The following INPP4A variants were observed in gnomAD, a reference collection of about 807,000 sequenced individuals.
INPP4A encodes inositol polyphosphate-4-phosphatase, type I, 107kD.
Under a neutral mutation model 119.8 loss-of-function variants are expected in INPP4A, and 33 were observed. The observed-to-expected ratio is 0.28, with a 90% CI of 0.21 to 0.37. The LOEUF (loss-of-function observed/expected upper bound fraction) is 0.37, where lower values mean the gene tolerates loss of function less well. Among genes scored for constraint, INPP4A ranks in the 10% least tolerant of loss-of-function variants. The probability of loss-of-function intolerance (pLI) is 1.00; values close to 1 mark genes in which losing one functional copy is unlikely to be tolerated. For synonymous variants in INPP4A, 496 were observed against 500.7 expected, an observed-to-expected ratio of 0.99 and a Z score of 0.12; for missense variants, 956 against 1,289.9, an observed-to-expected ratio of 0.74 and a Z score of 3.97.
At chr2:98,577,952 TATTTA>T (rs1420054201) in intron 24 of INPP4A, among the ~76,000 whole-genome samples, 1 of 152,234 alleles carries the variant, frequency 6.6e-6, no homozygotes, top group Non-Finnish European at 1.5e-5. Flanking sequence ...CTCACCAAAT[TATTTA>T]AAGTGTTCAA....
intron 24 of INPP4A, among the ~76,000 whole-genome samples, chr2:98,584,313 C>CTGGTAACGTGG (rs1699705061): frequency 6.6e-6 from 1 of 152,256 alleles, no homozygotes; most frequent in Non-Finnish European, 1.5e-5. Flanking sequence ...GGTCCTGCTC[C>CTGGTAACGTGG]TGGTAACGTG....
intron 1 of INPP4A, among the ~76,000 whole-genome samples, chr2:98,479,989 G>A (rs1268758505): frequency 6.6e-6 from 1 of 152,224 alleles, no homozygotes; most frequent in African/African-American, 2.4e-5. Flanking sequence ...AAACAGCACA[G>A]AATGGCAGGG....
chr2:98,573,039 G>A, intron 23 of INPP4A, 112 bp downstream of exon 23: 1 of 762,510 alleles, frequency 1.3e-6, no homozygotes, highest in Non-Finnish European at 2.2e-6. Flanking sequence ...TCCATACTGG[G>A]AGAGGAGGGA....
rs138554017 is a variant in INPP4A, at chr2:98,521,968, A to T, written c.151+1237A>T. 4.0e-3 allele frequency among the ~76,000 whole-genome samples: 604 copies of T among 152,198 alleles called. 2 individuals carry two copies. Among genetic ancestry groups the T allele is most frequent in the Middle Eastern group, 0.017 (5 of 294 alleles). On this transcript the variant is annotated intron_variant, in intron 4 of 24. Transcript: ENST00000409851. ...AAAATAGAATTTGGAAGAAACAGAG[A>T]CATTGCAGAAAGTTTTAAAGAAATA...
intron 5 of INPP4A, among the ~76,000 whole-genome samples, chr2:98,534,210 C>T (rs982955851): frequency 2.0e-5 from 3 of 152,232 alleles, no homozygotes; most frequent in African/African-American, 2.4e-5. Flanking sequence ...AAGCAGTTGT[C>T]GAGTGCTACC....
chr2:98,490,810 A>G (rs1482554663), intron 1 of INPP4A, among the ~76,000 whole-genome samples: 1 of 152,152 alleles, frequency 6.6e-6, no homozygotes, highest in Non-Finnish European at 1.5e-5. Flanking sequence ...CGGCCAAACA[A>G]CAGCTTGAGT....
intron 17 of INPP4A, among the ~76,000 whole-genome samples, chr2:98,562,990 G>A (rs1355858184): frequency 6.6e-6 from 1 of 152,148 alleles, no homozygotes; most frequent in Non-Finnish European, 1.5e-5. Flanking sequence ...CTTGGCAAGG[G>A]CAGAGGAGTC....
chr2:98,555,705 C>T lies in INPP4A; in HGVS notation c.1719C>T (p.Ser573=), dbSNP rs758850897. The T allele has an allele frequency of 1.2e-6, 2 of 1,613,040 alleles. No homozygotes were observed. The highest frequency in any genetic ancestry group is 3.3e-5 in the Admixed American group (2 of 59,860). The change falls in exon 16 of 25, where the codon AGC becomes AGT. Residue 573 remains serine (S), a synonymous_variant. Transcript: ENST00000409851. ...CCAGCAAGAAAGGTAACCCGGACAG[C>T]CACGCCTACTGGATCAGACCAGAAG... is the stretch of plus-strand genomic sequence containing the variant. ...SCTSKKGNPD[S]HAYWIRPEDP...
intron 5 of INPP4A, among the ~76,000 whole-genome samples, chr2:98,534,842 A>G (rs1689926588): frequency 6.6e-6 from 1 of 152,222 alleles, no homozygotes; most frequent in Non-Finnish European, 1.5e-5. Flanking sequence ...GAGACTTTGA[A>G]GGTGGACCTT....
At position 98,491,058 on chromosome 2, in the gene INPP4A, C is replaced by G. The variant is rs540515083; in HGVS notation, c.-165-27906C>G. ...AAAAAATTCAAAACCCAAACTGGGT[C>G]AGACAGACAATAGTAGGAACAACAA... On this transcript the variant is annotated intron_variant, in intron 1 of 24. Coordinates refer to ENST00000409851, the MANE Select transcript of INPP4A (RefSeq NM_001134225.2). 3.8e-4 allele frequency among the ~76,000 whole-genome samples: 58 copies of G among 152,324 alleles called. No individual in the cohort carries two copies. The East Asian group carries it at 9.8e-3, about 26-fold the overall frequency.
In INPP4A at chr2:98,554,421, C is replaced by G. The variant is rs1215469173; in HGVS notation, c.1498C>G (p.Leu500Val). Residue 500 changes from leucine to valine, a missense_variant, in exon 15 of 25, where the codon CTC becomes GTC. Coordinates refer to ENST00000409851, the MANE Select transcript of INPP4A (RefSeq NM_001134225.2). The surrounding 1 kb of genome is among the most constrained non-coding windows in gnomAD (Gnocchi z 4.7). ...GATGCTTAGAAATGACCAGGACACC[C>G]TCATGGCCCGGTGGACAGGGAGAAA... ...QVMLRNDQDTLMARWTGRNSR... is the reference protein window; with the variant it reads ...QVMLRNDQDTVMARWTGRNSR... The G allele has an allele frequency of 3.1e-6, 5 of 1,613,802 alleles. No individual in the cohort carries two copies. Among genetic ancestry groups the G allele is most frequent in the Non-Finnish European group, 4.2e-6 (5 of 1,179,872 alleles).
chr2:98,544,398 G>A (rs1469360919), intron 11 of INPP4A, among the ~76,000 whole-genome samples: 1 of 152,170 alleles, frequency 6.6e-6, no homozygotes, highest in African/African-American at 2.4e-5. Flanking sequence ...AAGGATGTAG[G>A]CCACTCGCCT....
At chr2:98,457,712 A>G (rs1320172021) in intron 1 of INPP4A, among the ~76,000 whole-genome samples, 1 of 152,236 alleles carries the variant, frequency 6.6e-6, no homozygotes, top group Non-Finnish European at 1.5e-5. Flanking sequence ...AAGCTGTTTG[A>G]GCTTGCTACT....
At chr2:98,490,920 C>G (rs1401244384) in intron 1 of INPP4A, among the ~76,000 whole-genome samples, 1 of 152,050 alleles carries the variant, frequency 6.6e-6, no homozygotes, top group Non-Finnish European at 1.5e-5. Flanking sequence ...GCTTTGAAAA[C>G]AAAACGAAAA....
At chr2:98,540,768 C>T (rs767045184) in intron 10 of INPP4A, among the ~76,000 whole-genome samples, 1 of 152,336 alleles carries the variant, frequency 6.6e-6, no homozygotes, top group Non-Finnish European at 1.5e-5. Context: ...GACATCAATC[C>T]ATTCATGAGG....
chr2:98,493,311 C>T (rs530104435), intron 1 of INPP4A, among the ~76,000 whole-genome samples: 5 of 152,172 alleles, frequency 3.3e-5, no homozygotes, highest in African/African-American at 1.2e-4. Context: ...CTGCCTACCC[C>T]GACTTCCTGG....
intron 1 of INPP4A, among the ~76,000 whole-genome samples, chr2:98,486,691 G>A (rs1188559333): frequency 3.3e-5 from 5 of 152,244 alleles, no homozygotes; most frequent in African/African-American, 1.2e-4. Flanking sequence ...TAGAAGGCCA[G>A]ATTACATAAA....
chr2:98,537,718 CA>C, intron 7 of INPP4A, 144 bp from the exon 8 acceptor site: 1 of 640,646 alleles, frequency 1.6e-6, no homozygotes, highest in South Asian at 1.7e-5. Context: ...GCCCTGTGTG[CA>C]CAGTGAATGC....
At chr2:98,581,680 C>A in intron 24 of INPP4A, 2 of 1,610,514 alleles carry the variant, frequency 1.2e-6, no homozygotes, top group Non-Finnish European at 1.7e-6. Flanking sequence ...CCTTTATTAG[C>A]TCTGAGCCCC....
Sources: gnomAD v4.1 joint callset for allele counts (sites outside exome capture counted in the v4.1 genomes callset) on GRCh38, gnomAD v4.1.1 for gene constraint, Gnocchi (gnomAD v3.1) non-coding constraint, MANE v1.5 for transcripts, NCBI Gene and HGNC (gene_info 2026-07-23, HGNC 2026-07-21) for gene names.